Variants in TENM2 observed in about 807,000 individuals in gnomAD.
TENM2 encodes teneurin transmembrane protein 2, also known as teneurin-2.
In TENM2, 52 loss-of-function variants were observed where a neutral mutation model predicts 245.2. That is an observed-to-expected ratio of 0.21 (90% CI 0.17 to 0.27). TENM2 has a LOEUF of 0.27. TENM2 is among the 10% of genes least tolerant of loss of function. The pLI, the probability that TENM2 is intolerant of heterozygous loss-of-function variation, is 1.00. For synonymous variants in TENM2, 1,363 were observed against 1,438.9 expected, an observed-to-expected ratio of 0.95 and a Z score of 1.19; for missense variants, 3,046 against 3,666.8, an observed-to-expected ratio of 0.83 and a Z score of 4.37.
At chr5:167,043,335 A>T in the TENM2 span, among the ~76,000 whole-genome samples, 7 of 152,232 alleles carry the variant, frequency 4.6e-5, no homozygotes, top group African/African-American at 1.7e-4. Context: ...AAATGCTAAA[A>T]TCAACATGCA....
intron 10 of TENM2, among the ~76,000 whole-genome samples, chr5:168,121,057 C>T (rs1394100195): frequency 6.6e-6 from 1 of 152,190 alleles, no homozygotes; most frequent in Non-Finnish European, 1.5e-5. Flanking sequence ...TGACATTTAA[C>T]TTCATAAATG....
At chr5:167,029,521 G>T in the TENM2 span, among the ~76,000 whole-genome samples, 2 of 152,144 alleles carry the variant, frequency 1.3e-5, no homozygotes, top group East Asian at 3.9e-4. Context: ...TCTCCCTTCA[G>T]CACTGGGAGT....
chr5:166,979,312 GGGGC>G, the TENM2 span, among the ~76,000 whole-genome samples: 1 of 152,040 alleles, frequency 6.6e-6, no homozygotes, highest in African/African-American at 2.4e-5. Flanking sequence ...GGGAGTCCGG[GGGGC>G]GGGTAAGAGG....
At chr5:167,471,253 G>A (rs958219797) in intron 2 of TENM2, among the ~76,000 whole-genome samples, 8 of 152,074 alleles carry the variant, frequency 5.3e-5, no homozygotes, top group African/African-American at 9.7e-5. Context: ...AGGTCCTTAT[G>A]AGTTAGATCT....
intron 2 of TENM2, among the ~76,000 whole-genome samples, chr5:167,635,023 A>G (rs1385004311): frequency 2.0e-5 from 3 of 152,202 alleles, no homozygotes; most frequent in Non-Finnish European, 4.4e-5. Context: ...GGGTACCCCT[A>G]CAGGCTTAAA....
chr5:168,007,676 G>A (rs10068918), intron 5 of TENM2, among the ~76,000 whole-genome samples: 1,949 of 152,240 alleles, frequency 0.013, 48 homozygotes, highest in African/African-American at 0.045. Flanking sequence ...ACACTGAAAC[G>A]AACGACTCAC....
chr5:167,176,960 G>A, the TENM2 span, among the ~76,000 whole-genome samples: 4 of 152,106 alleles, frequency 2.6e-5, no homozygotes. Context: ...AATTTTATCT[G>A]GGACAAGGCA....
chr5:167,748,764 T>C (rs1406407662), intron 2 of TENM2, among the ~76,000 whole-genome samples: 1 of 151,942 alleles, frequency 6.6e-6, no homozygotes, highest in African/African-American at 2.4e-5. Context: ...TGCCAAACAC[T>C]TAAAACCATC....
intron 5 of TENM2, among the ~76,000 whole-genome samples, chr5:168,004,286 A>G (rs1784631875): frequency 6.6e-6 from 1 of 152,190 alleles, no homozygotes; most frequent in African/African-American, 2.4e-5. Context: ...AAGATCCAGT[A>G]GTGATATTTT....
intron 3 of TENM2, among the ~76,000 whole-genome samples, chr5:167,903,409 C>T (rs1048232097): frequency 3.3e-5 from 5 of 151,972 alleles, no homozygotes; most frequent in Non-Finnish European, 5.9e-5. Context: ...CTGAGCTAGA[C>T]AATCACATGA....
At chr5:167,742,105 C>G (rs1250289272) in intron 2 of TENM2, among the ~76,000 whole-genome samples, 1 of 152,132 alleles carries the variant, frequency 6.6e-6, no homozygotes, top group Non-Finnish European at 1.5e-5. Flanking sequence ...TCTTCATGAA[C>G]CTAAACTAAC....
chr5:167,400,388 A>T (rs764929002), intron 2 of TENM2, among the ~76,000 whole-genome samples: 9 of 152,084 alleles, frequency 5.9e-5, no homozygotes, highest in Non-Finnish European at 1.2e-4. Flanking sequence ...TACAAGTAGG[A>T]TGACTAGGTT....
intron 2 of TENM2, among the ~76,000 whole-genome samples, chr5:167,701,396 TG>T (rs1247662697): frequency 2.1e-5 from 3 of 143,372 alleles, no homozygotes; most frequent in African/African-American, 5.0e-5. Flanking sequence ...TTTGGGTGTT[TG>T]TTTTTTTTTT....
rs183404457 is a variant in TENM2, at chr5:167,497,972, T to C, written c.502+122499T>C. Among the ~76,000 whole-genome samples, 16 of 152,194 alleles carry C rather than the reference T, an allele frequency of 1.1e-4. No individual in the cohort carries two copies. The East Asian group carries it at 2.5e-3, about 24-fold the overall frequency. ...TCTGGTACACCTCTAATCAAAACTA[T>C]TTTTCACATCATTGGATCCTAATCG... On this transcript the variant is annotated intron_variant, in intron 2 of 28. Coordinates refer to ENST00000518659, the Ensembl canonical transcript of TENM2.
intron 2 of TENM2, among the ~76,000 whole-genome samples, chr5:167,840,960 C>T (rs1012520930): frequency 6.6e-6 from 1 of 152,052 alleles, no homozygotes; most frequent in African/African-American, 2.4e-5. Context: ...CACTTTTTTT[C>T]ACACAACACA....
At chr5:167,703,413 T>C (rs1265004318) in intron 2 of TENM2, among the ~76,000 whole-genome samples, 2 of 151,322 alleles carry the variant, frequency 1.3e-5, no homozygotes, top group South Asian at 2.1e-4. Flanking sequence ...ACCACCGTAA[T>C]CCCAGCTACT....
At position 167,992,964 on chromosome 5, in the gene TENM2, C is replaced by A. The variant is rs1255527934; in HGVS notation, c.968C>A (p.Ser323Tyr). Residue 323 changes from serine to tyrosine, a missense_variant, in exon 5 of 29, where the codon TCC (serine) becomes TAC (tyrosine). By Grantham distance (144) the Ser-to-Tyr change is moderately radical. Coordinates refer to ENST00000518659, the Ensembl canonical transcript of TENM2. The stretch of plus-strand genomic sequence containing the variant: ...GGCAGGCACTTCCTCTTCAAGACCT[C>A]CTCGGGGAGCACACCCTTGTTCAGC... 2.5e-6 allele frequency: 4 copies of A among 1,613,948 alleles called. No homozygotes were observed. The Middle Eastern group carries it at 4.9e-4, about 200-fold the overall frequency.
chr5:168,178,270 G>A (rs1019188434), intron 13 of TENM2, among the ~76,000 whole-genome samples: 2 of 152,192 alleles, frequency 1.3e-5, no homozygotes, highest in Non-Finnish European at 2.9e-5. Context: ...ACTGGCCGTC[G>A]GCTCAGTTCT....
At chr5:168,173,590 G>C (rs975347116) in intron 13 of TENM2, among the ~76,000 whole-genome samples, 3 of 151,964 alleles carry the variant, frequency 2.0e-5, no homozygotes, top group African/African-American at 7.3e-5. Context: ...CCCCACACCA[G>C]CCACACTCCT....
Sources: allele counts gnomAD v4.1 joint callset (sites outside exome capture counted in the v4.1 genomes callset), GRCh38; gene constraint gnomAD v4.1.1; transcripts MANE v1.5; gene names NCBI Gene and HGNC (gene_info 2026-07-23, HGNC 2026-07-21).